SRI: variants seen among roughly 807,000 people sequenced by gnomAD.
The protein encoded by SRI is sorcin.
A neutral mutation model predicts 33.3 loss-of-function variants in SRI; 30 were observed. That is an observed-to-expected ratio of 0.90 (90% CI 0.67 to 1.22). The LOEUF (loss-of-function observed/expected upper bound fraction) is 1.22, where lower values mean the gene tolerates loss of function less well. Ranked by LOEUF, SRI falls within the 50% of genes most tolerant of loss-of-function variation. SRI has a pLI of 0.00. For missense variants in SRI, 243 were observed against 250.8 expected, an observed-to-expected ratio of 0.97 and a Z score of 0.21; for synonymous variants, 75 against 89.9, an observed-to-expected ratio of 0.83 and a Z score of 0.94.
At chr7:88,219,056 G>T (rs1851810864) in intron 1 of SRI, 114 bp from the exon 2 acceptor site, 1 of 823,434 alleles carries the variant, frequency 1.2e-6, no homozygotes. Context: ...CCTTCACAAG[G>T]CTCACCTCCC....
At chr7:88,208,916 GC>G in intron 6 of SRI, 1 of 314,158 alleles carries the variant, frequency 3.2e-6, no homozygotes, top group East Asian at 7.4e-5. Context: ...CAAAGATACT[GC>G]TTAAGAAACA....
At chr7:88,213,810 C>A (rs1310607040) in intron 3 of SRI, among the ~76,000 whole-genome samples, 2 of 152,190 alleles carry the variant, frequency 1.3e-5, no homozygotes, top group African/African-American at 4.8e-5. Flanking sequence ...ATAAAATTTT[C>A]TAATCTTTAC....
upstream of SRI, among the ~76,000 whole-genome samples, chr7:88,223,369 G>A (rs886838560): frequency 1.3e-5 from 2 of 152,172 alleles, no homozygotes; most frequent in Non-Finnish European, 2.9e-5. Context: ...GAACAGAGCT[G>A]AGCTATGCTG....
At chr7:88,214,530 G>A (rs111880943) in intron 3 of SRI, among the ~76,000 whole-genome samples, 1 of 152,112 alleles carries the variant, frequency 6.6e-6, no homozygotes, top group African/African-American at 2.4e-5. Context: ...CAATGAACTA[G>A]AACGCTGATG....
At chr7:88,221,861 C>G (rs1474723196), upstream of SRI, among the ~76,000 whole-genome samples, 1 of 142,010 alleles carries the variant, frequency 7.0e-6, no homozygotes, top group African/African-American at 2.6e-5. Context: ...ACCACAGTCC[C>G]TAGAGTGTGA....
At chr7:88,219,283 T>TA (rs767338966) in intron 1 of SRI, 3 of 345,656 alleles carry the variant, frequency 8.7e-6, no homozygotes, top group Non-Finnish European at 1.7e-5. Flanking sequence ...CTTTTGTTGT[T>TA]ACAGCATTTA....
intron 2 of SRI, 120 bp downstream of exon 2, chr7:88,218,739 T>C: frequency 2.3e-6 from 2 of 863,080 alleles, no homozygotes; most frequent in Non-Finnish European, 3.7e-6. Context: ...ACTTTTTTTT[T>C]CTTTTGCAGA....
intron 3 of SRI, among the ~76,000 whole-genome samples, chr7:88,212,953 A>G (rs867959107): frequency 6.6e-6 from 1 of 152,218 alleles, no homozygotes; most frequent in Non-Finnish European, 1.5e-5. Flanking sequence ...TTGGGCTCAC[A>G]TGAAGGTATT....
At chr7:88,226,769 G>T in intron 1 of SRI, 1 of 840,354 alleles carries the variant, frequency 1.2e-6, no homozygotes. Context: ...AAAGGAACCT[G>T]GATTAATTGA....
chr7:88,210,807 G>T, intron 4 of SRI, 75 bp downstream of exon 4: 1 of 1,350,806 alleles, frequency 7.4e-7, no homozygotes, highest in Non-Finnish European at 1.0e-6. Context: ...GTGTTTACTA[G>T]ATATTAATTC....
chr7:88,214,852 T>C (rs1426365208), intron 3 of SRI: 1 of 1,257,562 alleles, frequency 8.0e-7, no homozygotes, highest in Non-Finnish European at 1.0e-6. Context: ...ACATCTTTTC[T>C]TCTCACAGAA....
At chr7:88,219,553 T>G in intron 1 of SRI, 4 of 190,280 alleles carry the variant, frequency 2.1e-5, no homozygotes, top group Non-Finnish European at 3.2e-5. Context: ...TGTTTGTTTG[T>G]TTGTTTGTTT....
intron 5 of SRI, 146 bp downstream of exon 5, chr7:88,209,837 A>T (rs1313754264): frequency 2.0e-6 from 2 of 1,022,596 alleles, no homozygotes; most frequent in African/African-American, 3.2e-5. Context: ...GCTGGTCTCG[A>T]ACTCCCGAGC....
chr7:88,218,912 G>C lies in SRI; in HGVS notation c.82C>G (p.Pro28Ala). Reference sequence around the variant, plus strand: ...TACAGCGGATCCTGAGTTTGTCCGGGAAACGCAGGCCCTCCGGGAGCCCCT... The same window carrying C: ...TACAGCGGATCCTGAGTTTGTCCGGCAAACGCAGGCCCTCCGGGAGCCCCT... Reference protein sequence around the residue: ...YGGAPGGPAFPGQTQDPLYGY... With the variant: ...YGGAPGGPAFAGQTQDPLYGY... The change falls in exon 2 of 8, where the codon CCC (proline) becomes GCC (alanine). Residue 28 changes from proline to alanine, a missense_variant. Transcript: ENST00000265729. The C allele has an allele frequency of 1.2e-6, 2 of 1,614,060 alleles. No individual in the cohort carries two copies. Among genetic ancestry groups the C allele is most frequent in the Non-Finnish European group, 1.7e-6 (2 of 1,179,976 alleles).
chr7:88,224,465 T>TAAG (rs1211767474), upstream of SRI, among the ~76,000 whole-genome samples: 97 of 152,330 alleles, frequency 6.4e-4, no homozygotes, highest in African/African-American at 2.1e-3. Flanking sequence ...TTTCAATTTT[T>TAAG]GTTTAGTTCT....
At chr7:88,208,466 A>C (rs773391304) in intron 7 of SRI, 41 bp downstream of exon 7, 1 of 1,611,630 alleles carries the variant, frequency 6.2e-7, no homozygotes, top group South Asian at 1.1e-5. Flanking sequence ...TCTGGTGTAC[A>C]TCCTTTTCAT....
Position 88,206,140 on chromosome 7 carries a change from T to G in SRI, c.*338A>C, listed in dbSNP as rs555005854. The G allele has an allele frequency of 1.2e-5, 4 of 339,018 alleles. No individual in the cohort carries two copies. The highest frequency in any genetic ancestry group is 6.4e-5 in the East Asian group (1 of 15,724). 21.0% of individuals were successfully genotyped at this position (339,018 alleles called of 1,614,324 possible). A position where few individuals can be genotyped will look rare whatever the true frequency, so the allele number is the denominator to read the frequency against. On this transcript the variant is annotated 3_prime_UTR_variant, in exon 8 of 8. Coordinates refer to ENST00000265729, the MANE Select transcript of SRI (RefSeq NM_003130.4). Reference sequence around the variant, plus strand: ...GGAAAGATAACAGCTGTAGTCTGATTAACAGTTTTTAGTGTCTCACAATGA... The same window carrying G: ...GGAAAGATAACAGCTGTAGTCTGATGAACAGTTTTTAGTGTCTCACAATGA...
intron 2 of SRI, among the ~76,000 whole-genome samples, chr7:88,217,454 A>G (rs756752942): frequency 6.6e-6 from 1 of 152,232 alleles, no homozygotes; most frequent in African/African-American, 2.4e-5. Context: ...AAACTGCTAC[A>G]GCTAAACATT....
chr7:88,223,741 G>A (rs1851938669), upstream of SRI, among the ~76,000 whole-genome samples: 1 of 152,136 alleles, frequency 6.6e-6, no homozygotes, highest in Admixed American at 6.5e-5. Flanking sequence ...GAAATAGGAG[G>A]TGGGTCAGAT....
Sources: gnomAD v4.1 joint callset for allele counts (sites outside exome capture counted in the v4.1 genomes callset) on GRCh38, gnomAD v4.1.1 for gene constraint, MANE v1.5 for transcripts, NCBI Gene and HGNC (gene_info 2026-07-23, HGNC 2026-07-21) for gene names.